Variants in ZFYVE28 observed in about 807,000 individuals in gnomAD.
ZFYVE28 encodes the protein zinc finger FYVE-type containing 28.
Under a neutral mutation model 82.1 loss-of-function variants are expected in ZFYVE28, and 40 were observed. The ratio of observed to expected loss-of-function variants is 0.49; its 90% confidence interval spans 0.38 to 0.63. The LOEUF (loss-of-function observed/expected upper bound fraction) is 0.63, where lower values mean the gene tolerates loss of function less well. Among genes scored for constraint, ZFYVE28 ranks in the 30% least tolerant of loss-of-function variants. The pLI is 0.00. For missense variants in ZFYVE28, 1,321 were observed against 1,242.1 expected (o/e 1.06, Z -0.96); for synonymous variants, 612 against 546.1 (o/e 1.12, Z -1.68).
intron 1 of ZFYVE28, among the ~76,000 whole-genome samples, chr4:2,363,211 G>A (rs1189158433): frequency 6.6e-6 from 1 of 152,146 alleles, no homozygotes; most frequent in African/African-American, 2.4e-5. Context: ...CAGGTCACCT[G>A]TGGGAGTGGC....
rs1444544879 is a variant in ZFYVE28, at chr4:2,372,505, C to T, written c.40-18432G>A. Among the ~76,000 whole-genome samples, 2 of 152,228 alleles carry T rather than the reference C, an allele frequency of 1.3e-5. No individual in the cohort carries two copies. Among genetic ancestry groups the T allele is most frequent in the South Asian group, 2.1e-4 (1 of 4,820 alleles). ...GTCTCTGCCTGGACGTCACCATCAT[C>T]GAGGCCTCCTAGCCCCTCCAGCACG... On this transcript the variant is annotated intron_variant, in intron 1 of 12. Transcript: ENST00000290974. The surrounding 1 kb of genome is among the most constrained non-coding windows in gnomAD (Gnocchi z 5.2).
intron 8 of ZFYVE28, among the ~76,000 whole-genome samples, chr4:2,276,008 T>C (rs773206745): frequency 6.6e-6 from 1 of 152,186 alleles, no homozygotes; most frequent in Non-Finnish European, 1.5e-5. Flanking sequence ...CCACGTGGCG[T>C]GAGTCTTTTC....
rs115639866 is a variant in ZFYVE28, at chr4:2,355,575, C to T, written c.40-1502G>A. 8.1e-3 allele frequency among the ~76,000 whole-genome samples: 1,219 copies of T among 150,930 alleles called. 22 individuals are homozygous for T. The highest frequency in any genetic ancestry group is 0.028 in the African/African-American group (1,164 of 41,006). On this transcript the variant is annotated intron_variant, in intron 1 of 12. Transcript: ENST00000290974. ...GATTACAGGCCTGAGCCACTGTGCC[C>T]AGCCTATATACGTATTTTTTGAGAC... is the stretch of plus-strand genomic sequence containing the variant.
At chr4:2,358,268 AAT>A (rs1019240006) in intron 1 of ZFYVE28, among the ~76,000 whole-genome samples, 2 of 152,252 alleles carry the variant, frequency 1.3e-5, no homozygotes, top group Admixed American at 1.3e-4. Flanking sequence ...TGTGCATGTG[AAT>A]ATATGTGCAG....
At chr4:2,370,234 C>T (rs537397766) in intron 1 of ZFYVE28, among the ~76,000 whole-genome samples, 1 of 152,244 alleles carries the variant, frequency 6.6e-6, no homozygotes, top group Admixed American at 6.5e-5. Flanking sequence ...CACAGCACCA[C>T]GATTACCTGA....
At chr4:2,316,863 T>C (rs775116731) in intron 7 of ZFYVE28, among the ~76,000 whole-genome samples, 3 of 152,124 alleles carry the variant, frequency 2.0e-5, no homozygotes, top group Non-Finnish European at 4.4e-5. Context: ...TGGCTGATTT[T>C]TTATATTTTT....
intron 9 of ZFYVE28, 42 bp from the exon 10 acceptor site, chr4:2,273,331 T>A: frequency 6.4e-7 from 1 of 1,562,186 alleles, no homozygotes; most frequent in Non-Finnish European, 8.7e-7. Context: ...GAAGGACGGA[T>A]GGAAGGAACT....
In ZFYVE28 at chr4:2,372,171, C is replaced by T. The variant is rs182635598; in HGVS notation, c.40-18098G>A. Among the ~76,000 whole-genome samples the T allele has an allele frequency of 1.3e-3, 191 of 152,304 alleles. 1 individual carries two copies. The highest frequency in any genetic ancestry group is 4.5e-3 in the African/African-American group (188 of 41,548). On this transcript the variant is annotated intron_variant, in intron 1 of 12. Coordinates refer to ENST00000290974, the MANE Select transcript of ZFYVE28 (RefSeq NM_020972.3). This position sits in a 1 kb window ranked among gnomAD's most constrained non-coding sequence, Gnocchi z 5.2. ...GGGCAAATGTTTTGTTTGCTGTTAC[C>T]TATTCCCGTGACCAACAGGACCCAA...
At position 2,304,731 on chromosome 4, in the gene ZFYVE28, C is replaced by T. The variant is rs145212126; in HGVS notation, c.1609G>A (p.Ala537Thr). The change falls in exon 8 of 13, where the codon GCC becomes ACC. Residue 537 changes from alanine to threonine, a missense_variant. By Grantham distance (58) the Ala-to-Thr change is moderately conservative. This residue lies in a region of ZFYVE28 where 978 missense variants were observed against 833.7 expected (regional missense o/e 1.17). Coordinates refer to ENST00000290974, the MANE Select transcript of ZFYVE28 (RefSeq NM_020972.3). ...LDSAVATQEA[A>T]SEPVAEGMDG... ...ATCCCCTCGGCCACGGGCTCCGAGG[C>T]GGCCTCCTGGGTGGCGACCGCAGAG... 93 of 1,612,686 alleles carry T rather than the reference C, an allele frequency of 5.8e-5. No homozygotes were observed. The highest frequency in any genetic ancestry group is 2.7e-4 in the African/African-American group (20 of 75,050).
intron 8 of ZFYVE28, among the ~76,000 whole-genome samples, chr4:2,279,023 A>G (rs1399923838): frequency 6.6e-6 from 1 of 151,666 alleles, no homozygotes; most frequent in East Asian, 1.9e-4. Context: ...TCTCTTCCTT[A>G]TGGAAAAATA....
chr4:2,382,262 G>C (rs1014603465), intron 1 of ZFYVE28, among the ~76,000 whole-genome samples: 1 of 152,228 alleles, frequency 6.6e-6, no homozygotes, highest in African/African-American at 2.4e-5. Context: ...ACCTAGTGGA[G>C]CTGTGAGAAG....
At chr4:2,407,592 C>T (rs182499391) in intron 1 of ZFYVE28, among the ~76,000 whole-genome samples, 2 of 152,120 alleles carry the variant, frequency 1.3e-5, no homozygotes, top group Non-Finnish European at 2.9e-5. Context: ...ACATCTGGAA[C>T]CTTCTCATCC....
In ZFYVE28 at chr4:2,304,740, G is replaced by A; in HGVS notation, c.1600C>T (p.Gln534Ter). ...GCCACGGGCTCCGAGGCGGCCTCCT[G>A]GGTGGCGACCGCAGAGTCCAGGGAA... ...PTSLDSAVAT[Q>*]EAASEPVAEG... The change falls in exon 8 of 13, where the codon CAG (glutamine) becomes TAG (stop). Residue 534 changes from glutamine (Q) to a stop codon, truncating the protein, a stop_gained. Transcript: ENST00000290974. LOFTEE classifies it high-confidence loss of function. 6.2e-7 allele frequency: 1 copy of A among 1,612,658 alleles called. No homozygotes were observed. The highest frequency in any genetic ancestry group is 8.5e-7 in the Non-Finnish European group (1 of 1,179,928).
At chr4:2,306,716 T>G (rs1228802376) in intron 7 of ZFYVE28, among the ~76,000 whole-genome samples, 2 of 152,242 alleles carry the variant, frequency 1.3e-5, no homozygotes, top group Non-Finnish European at 2.9e-5. Flanking sequence ...GTTTTTTGTT[T>G]ATCTGAAATT....
intron 6 of ZFYVE28, among the ~76,000 whole-genome samples, chr4:2,327,263 T>C (rs1159088243): frequency 2.2e-4 from 2 of 8,984 alleles, no homozygotes; most frequent in Non-Finnish European, 5.5e-4. Context: ...TATATATATA[T>C]ATATATATAT....
At chr4:2,293,612 G>A (rs901415168) in intron 8 of ZFYVE28, among the ~76,000 whole-genome samples, 1 of 151,886 alleles carries the variant, frequency 6.6e-6, no homozygotes, top group African/African-American at 2.4e-5. Context: ...AATTAGCTGG[G>A]CGTAGTGGCA....
At chr4:2,316,393 G>A (rs891537149) in intron 7 of ZFYVE28, 10 of 152,274 alleles carry the variant, frequency 6.6e-5, no homozygotes, top group Non-Finnish European at 1.2e-4. Flanking sequence ...AAAGTTTAGT[G>A]CAGACACCTG....
chr4:2,394,360 C>T lies in ZFYVE28; in HGVS notation c.39+23925G>A, dbSNP rs900932475. Among the ~76,000 whole-genome samples, 2 of 152,154 alleles carry T rather than the reference C, an allele frequency of 1.3e-5. No homozygotes were observed. Among genetic ancestry groups the T allele is most frequent in the Non-Finnish European group, 2.9e-5 (2 of 68,016 alleles). On this transcript the variant is annotated intron_variant, in intron 1 of 12. Coordinates refer to ENST00000290974, the MANE Select transcript of ZFYVE28 (RefSeq NM_020972.3). This position sits in a 1 kb window ranked among gnomAD's most constrained non-coding sequence, Gnocchi z 4.0. ...GCCGCAGGTGGCACAGCTGGGTCAC[C>T]CACCCCAGCAGCCACGTATGCGATC...
At chr4:2,323,449 A>G (rs1719395511) in intron 6 of ZFYVE28, among the ~76,000 whole-genome samples, 1 of 152,182 alleles carries the variant, frequency 6.6e-6, no homozygotes, top group Admixed American at 6.5e-5. Flanking sequence ...TGGACATTAA[A>G]TCTTCATCAG....
Sources: allele counts gnomAD v4.1 joint callset (sites outside exome capture counted in the v4.1 genomes callset), GRCh38; gene constraint gnomAD v4.1.1; regional missense constraint gnomAD v4.1.1; non-coding constraint Gnocchi (gnomAD v3.1); transcripts MANE v1.5; gene names NCBI Gene and HGNC (gene_info 2026-07-23, HGNC 2026-07-21).